FBXL16: variants seen among roughly 807,000 people sequenced by gnomAD.
The protein encoded by FBXL16 is F-box/LRR-repeat protein 16.
A neutral mutation model predicts 36.7 loss-of-function variants in FBXL16; 7 were observed. The ratio of observed to expected loss-of-function variants is 0.19; its 90% CI spans 0.11 to 0.36. FBXL16 has a LOEUF of 0.36. Among genes scored for constraint, FBXL16 ranks in the 10% least tolerant of loss-of-function variants. The pLI is 1.00. For missense variants in FBXL16, 463 were observed against 659.4 expected (o/e 0.70, Z 3.26); for synonymous variants, 355 against 308.7 (o/e 1.15, Z -1.57).
chr16:697,001 T>C lies in FBXL16; in HGVS notation c.405A>G (p.Ala135=). The change falls in exon 2 of 6, where the codon GCA becomes GCG. Residue 135 remains alanine, a synonymous_variant. Transcript: ENST00000397621. The surrounding 1 kb of genome is among the most constrained non-coding windows in gnomAD (Gnocchi z 4.6). Reference sequence around the variant, plus strand: ...TGGCATGCAGCACCGGCGTGAGGCCTGCCCAGAACTTGGGCTGGTACAGCA... The same window carrying C: ...TGGCATGCAGCACCGGCGTGAGGCCCGCCCAGAACTTGGGCTGGTACAGCA... ...RRVLYQPKFW[A]GLTPVLHAKE... 1 of 1,595,554 alleles carries C rather than the reference T, an allele frequency of 6.3e-7. No homozygotes were observed. Among genetic ancestry groups the C allele is most frequent in the Non-Finnish European group, 8.5e-7 (1 of 1,171,586 alleles).
chr16:696,483 T>C (rs2040012151), intron 2 of FBXL16, among the ~76,000 whole-genome samples: 1 of 152,184 alleles, frequency 6.6e-6, no homozygotes, highest in African/African-American at 2.4e-5. Flanking sequence ...AGGCTGGTCA[T>C]GAACGCCTAA....
In FBXL16 at chr16:694,137, GGCTCGCCCCGCCTCCCGC is replaced by G; in HGVS notation, c.*120_*137del. ...GAAGGTCGGGGAGGGGCTTTCCCTC[GGCTCGCCCCGCCTCCCGC>G]GCTGGGCCGGGGGCGCGGGGGCTCC... On this transcript the variant is annotated 3_prime_UTR_variant, in exon 6 of 6. Transcript: ENST00000397621. 3 of 509,706 alleles carry G rather than the reference GGCTCGCCCCGCCTCCCGC, an allele frequency of 5.9e-6. No individual in the cohort carries two copies. Among genetic ancestry groups the G allele is most frequent in the Non-Finnish European group, 8.9e-6 (3 of 337,034 alleles). 31.6% of individuals were successfully genotyped at this position (509,706 alleles called of 1,614,324 possible).
chr16:694,299 C>A lies in FBXL16; in HGVS notation c.1416G>T (p.Leu472=). ...PELFKYFSQH[L]PRCLVIE Reference sequence around the variant, plus strand: ...GCTACTCAATGACGAGGCAGCGGGGCAGGTGCTGCGAGAAATACTTGAAGA... The same window carrying A: ...GCTACTCAATGACGAGGCAGCGGGGAAGGTGCTGCGAGAAATACTTGAAGA... Residue 472 remains leucine (L), a synonymous_variant, in exon 6 of 6, where the codon CTG becomes CTT. Transcript: ENST00000397621. 6.9e-7 allele frequency: 1 copy of A among 1,455,490 alleles called. No homozygotes were observed. Among genetic ancestry groups the A allele is most frequent in the Non-Finnish European group, 9.1e-7 (1 of 1,103,456 alleles). The allele number at this position is 1,455,490 out of a possible 1,614,324, so 90.2% of individuals were successfully genotyped here.
intron 1 of FBXL16, among the ~76,000 whole-genome samples, chr16:701,907 G>A (rs867265237): frequency 6.6e-6 from 1 of 152,198 alleles, no homozygotes; most frequent in East Asian, 1.9e-4. Flanking sequence ...GAAAGAGAGA[G>A]AGGTGGCCCC....
chr16:694,336 G>A lies in FBXL16; in HGVS notation c.1379C>T (p.Ala460Val). ...EELELTNCPG[A>V]TPELFKYFSQ... ...GAAATACTTGAAGAGCTCGGGGGTG[G>A]CCCCGGGGCAGTTGGTCAGCTCCAG... Residue 460 changes from alanine to valine, a missense_variant, in exon 6 of 6, where the codon GCC becomes GTC. By Grantham distance (64) the Ala-to-Val change is moderately conservative (BLOSUM62 0). Around this residue, in one of 3 missense-constraint regions of FBXL16, gnomAD observed 134 missense variants for 172.0 expected, o/e 0.78. Transcript: ENST00000397621. The A allele has an allele frequency of 6.6e-7, 1 of 1,514,444 alleles. No homozygotes were observed. The highest frequency in any genetic ancestry group is 8.8e-7 in the Non-Finnish European group (1 of 1,137,620). The allele number at this position is 1,514,444 out of a possible 1,614,324, so 93.8% of individuals were successfully genotyped here.
chr16:696,579 C>T (rs1596573136), intron 2 of FBXL16, among the ~76,000 whole-genome samples, 194 bp downstream of exon 2: 1 of 152,376 alleles, frequency 6.6e-6, no homozygotes, highest in Admixed American at 6.5e-5. Context: ...ATTTAATCCA[C>T]TGCCCTGCTG....
intron 2 of FBXL16, among the ~76,000 whole-genome samples, chr16:696,472 C>T (rs1406516968): frequency 6.6e-6 from 1 of 152,142 alleles, no homozygotes; most frequent in Non-Finnish European, 1.5e-5. Context: ...CCATGTTGAC[C>T]AGGCTGGTCA....
chr16:694,921 G>A, intron 4 of FBXL16, 71 bp downstream of exon 4: 1 of 1,433,556 alleles, frequency 7.0e-7, no homozygotes, highest in East Asian at 2.5e-5. Context: ...GGATCTGAGT[G>A]GGGCCGGGAG....
chr16:697,311 G>T lies in FBXL16; in HGVS notation c.95C>A (p.Ala32Glu). The T allele has an allele frequency of 2.6e-6, 4 of 1,534,366 alleles. No individual in the cohort carries two copies. Among genetic ancestry groups the T allele is most frequent in the Middle Eastern group, 1.8e-4 (1 of 5,606 alleles). The stretch of plus-strand genomic sequence containing the variant: ...TGGCGTGCCCTTGGTGATGCTGGCC[G>T]CACCCAGGCCGTTGGGCTGGCCCGG... The part of the protein sequence containing the change: ...KLPGQPNGLG[A>E]ASITKGTPAT... Residue 32 changes from alanine (A) to glutamate (E), a missense_variant, in exon 2 of 6, where the codon GCG (alanine) becomes GAG (glutamate). Physicochemically the swap from Ala to Glu is moderately radical, Grantham distance 107. This residue lies in a region of FBXL16 where 263 missense variants were observed against 341.1 expected (regional missense o/e 0.77). Transcript: ENST00000397621. The surrounding 1 kb of genome is among the most constrained non-coding windows in gnomAD (Gnocchi z 4.6).
intron 1 of FBXL16, among the ~76,000 whole-genome samples, chr16:698,231 G>A (rs2040029741): frequency 6.6e-6 from 1 of 151,950 alleles, no homozygotes; most frequent in African/African-American, 2.4e-5. Context: ...TCAAACTCCT[G>A]ACCTCAAGTG....
intron 2 of FBXL16, 171 bp from the exon 3 acceptor site, chr16:696,094 G>A: frequency 1.0e-6 from 1 of 989,124 alleles, no homozygotes; most frequent in Non-Finnish European, 1.4e-6. Flanking sequence ...GCAGGTGCTG[G>A]GGGCGTTGGC....
intron 1 of FBXL16, among the ~76,000 whole-genome samples, chr16:702,648 G>A (rs1181872320): frequency 1.3e-5 from 2 of 152,238 alleles, no homozygotes; most frequent in Non-Finnish European, 2.9e-5. Flanking sequence ...GCCGGTCAGC[G>A]GGGAAGGCAC....
chr16:696,363 C>A (rs891324844), intron 2 of FBXL16, among the ~76,000 whole-genome samples: 3 of 152,130 alleles, frequency 2.0e-5, no homozygotes, highest in African/African-American at 7.2e-5. Context: ...CGGGTTCAAG[C>A]GATTCTCCTG....
At position 694,599 on chromosome 16, in the gene FBXL16, C is replaced by T. The variant is rs751083095; in HGVS notation, c.1291+35G>A. The T allele has an allele frequency of 1.9e-6, 3 of 1,591,690 alleles. No individual in the cohort carries two copies. In the South Asian group the frequency reaches 3.4e-5, roughly 18 times the overall value. On this transcript the variant is annotated intron_variant, in intron 5 of 5. Transcript: ENST00000397621. ...GGTGGACTAAGTGGGGGTGGGTGGT[C>T]ACTGCCAGCGTCAGAGCAGAAACGG...
chr16:700,568 C>G (rs185363208), intron 1 of FBXL16, among the ~76,000 whole-genome samples: 1 of 152,260 alleles, frequency 6.6e-6, no homozygotes, highest in Non-Finnish European at 1.5e-5. Context: ...GGAGGCCTGG[C>G]GCGGGGCTGC....
In FBXL16 at chr16:694,331, G is replaced by C. The variant is rs1405587760; in HGVS notation, c.1384C>G (p.Pro462Ala). ...LELTNCPGAT[P>A]ELFKYFSQHL... ...TGCGAGAAATACTTGAAGAGCTCGGGGGTGGCCCCGGGGCAGTTGGTCAGC... is the reference window on the plus strand; with the variant it reads ...TGCGAGAAATACTTGAAGAGCTCGGCGGTGGCCCCGGGGCAGTTGGTCAGC... Residue 462 changes from proline (P) to alanine (A), a missense_variant, in exon 6 of 6, where the codon CCC becomes GCC. Coordinates refer to ENST00000397621, the MANE Select transcript of FBXL16 (RefSeq NM_153350.4). 6 of 1,512,422 alleles carry C rather than the reference G, an allele frequency of 4.0e-6. No individual in the cohort carries two copies. Among genetic ancestry groups the C allele is most frequent in the Non-Finnish European group, 4.4e-6 (5 of 1,136,678 alleles). The allele number at this position is 1,512,422 out of a possible 1,614,324, so 93.7% of individuals were successfully genotyped here.
In FBXL16 at chr16:705,631, C is replaced by G. The variant is rs984846810; in HGVS notation, c.-134G>C. ...GGGTGCTGGACTGGCCGGCAGGGCCCGGCCGCGCCCTGCGCCCCGCGTCCC... is the reference window on the plus strand; with the variant it reads ...GGGTGCTGGACTGGCCGGCAGGGCCGGGCCGCGCCCTGCGCCCCGCGTCCC... On this transcript the variant is annotated 5_prime_UTR_variant, in exon 1 of 6. Transcript: ENST00000397621. The G allele has an allele frequency of 4.7e-5, 7 of 149,092 alleles. No individual in the cohort carries two copies. The highest frequency in any genetic ancestry group is 2.1e-4 in the South Asian group (1 of 4,816). 9.2% of individuals were successfully genotyped at this position (149,092 alleles called of 1,614,324 possible).
intron 3 of FBXL16, 60 bp from the exon 4 acceptor site, chr16:695,136 T>C (rs1161309435): frequency 3.3e-6 from 5 of 1,526,406 alleles, no homozygotes; most frequent in Non-Finnish European, 4.5e-6. Context: ...CCATCCCTCG[T>C]CTTCCTGGGA....
At chr16:694,458 G>A (rs1170847676) in intron 5 of FBXL16, 35 bp from the exon 6 acceptor site, 3 of 1,512,160 alleles carry the variant, frequency 2.0e-6, no homozygotes, top group Non-Finnish European at 2.6e-6. Context: ...CAGTGCGCGC[G>A]GCCCAGGGCT....
Sources: allele counts gnomAD v4.1 joint callset (sites outside exome capture counted in the v4.1 genomes callset), GRCh38; gene constraint gnomAD v4.1.1; regional missense constraint gnomAD v4.1.1; non-coding constraint Gnocchi (gnomAD v3.1); transcripts MANE v1.5; gene names NCBI Gene and HGNC (gene_info 2026-07-23, HGNC 2026-07-21).